INTS9: variants seen among roughly 807,000 people sequenced by gnomAD.
INTS9 encodes protein related to CPSF subunits of 74 kDa.
In INTS9, 55 loss-of-function variants were observed where a neutral mutation model predicts 79.7. That is an observed-to-expected ratio of 0.69 (90% CI 0.56 to 0.86). INTS9 has a LOEUF of 0.86. INTS9 is among the 40% of genes least tolerant of loss of function. The pLI, the probability that INTS9 is intolerant of heterozygous loss-of-function variation, is 0.00. For synonymous variants in INTS9, 319 were observed against 325.2 expected, an observed-to-expected ratio of 0.98 and a Z score of 0.20; for missense variants, 721 against 831.5, an observed-to-expected ratio of 0.87 and a Z score of 1.64.
intron 1 of INTS9, among the ~76,000 whole-genome samples, chr8:28,865,259 TA>T (rs200979621): frequency 2.1e-4 from 31 of 151,188 alleles, no homozygotes; most frequent in African/African-American, 6.1e-4. Context: ...AATTTTATTT[TA>T]AAAAAAACAC....
intron 8 of INTS9, among the ~76,000 whole-genome samples, chr8:28,800,435 G>A (rs1804456125): frequency 1.3e-5 from 2 of 152,108 alleles, no homozygotes; most frequent in Non-Finnish European, 2.9e-5. Flanking sequence ...ATTGGTAAAG[G>A]GCCAAAAAGG....
intron 8 of INTS9, among the ~76,000 whole-genome samples, chr8:28,800,997 A>C (rs1373652455): frequency 6.6e-6 from 1 of 152,178 alleles, no homozygotes; most frequent in Non-Finnish European, 1.5e-5. Context: ...ACCAACCTCC[A>C]ACTGATCCAT....
chr8:28,780,913 A>C lies in INTS9; in HGVS notation c.1180T>G (p.Phe394Val), dbSNP rs1470109807. ...SNDFRQPCVVFTGHPSLRFGD... is the reference protein window; with the variant it reads ...SNDFRQPCVVVTGHPSLRFGD... ...AAGCGGAGGGAAGGGTGCCCGGTGA[A>C]CACCACACAGGGCTGTCTAAAGTCG... Residue 394 changes from phenylalanine (F) to valine (V), a missense_variant, in exon 12 of 17, where the codon TTC becomes GTC. Transcript: ENST00000521022. The C allele has an allele frequency of 6.2e-7, 1 of 1,614,034 alleles. No individual in the cohort carries two copies.
At chr8:28,772,189 T>C (rs1802587082) in intron 14 of INTS9, among the ~76,000 whole-genome samples, 1 of 152,160 alleles carries the variant, frequency 6.6e-6, no homozygotes. Flanking sequence ...GCAATTACTG[T>C]AGCAAGTTGG....
chr8:28,769,208 T>C (rs1284068704), intron 16 of INTS9, among the ~76,000 whole-genome samples: 1 of 152,200 alleles, frequency 6.6e-6, no homozygotes, highest in Non-Finnish European at 1.5e-5. Context: ...TTACATTGGA[T>C]AGAAAGTTCA....
intron 13 of INTS9, chr8:28,776,155 T>C (rs1196526420): frequency 1.6e-5 from 7 of 437,218 alleles, no homozygotes; most frequent in Middle Eastern, 5.7e-4. Context: ...CAGCTTAATT[T>C]ATCTTTCTTA....
intron 1 of INTS9, among the ~76,000 whole-genome samples, chr8:28,876,616 T>G (rs946511911): frequency 3.9e-5 from 6 of 152,048 alleles, no homozygotes; most frequent in Admixed American, 6.6e-5. Context: ...AGACGCCTAC[T>G]ACCAAAACTC....
intron 1 of INTS9, among the ~76,000 whole-genome samples, chr8:28,873,216 A>G (rs555244960): frequency 6.6e-6 from 1 of 152,294 alleles, no homozygotes; most frequent in South Asian, 2.1e-4. Context: ...ACTGAATCTC[A>G]GCAGCCTGCC....
rs79799898 is a variant in INTS9 at position 28,781,851 on chromosome 8, G to A, written c.1099-857C>T. 5.9e-3 allele frequency among the ~76,000 whole-genome samples: 904 copies of A among 152,278 alleles called. 7 individuals carry two copies. Among genetic ancestry groups the A allele is most frequent in the African/African-American group, 0.021 (874 of 41,554 alleles). ...CTCCTCTGTGTGATGATGTAATGGT[G>A]GATCCAGGTCACTGTTCATTTGTTC... On this transcript the variant is annotated intron_variant, in intron 11 of 16. Transcript: ENST00000521022.
intron 2 of INTS9, among the ~76,000 whole-genome samples, chr8:28,856,183 T>G (rs1379334499): frequency 1.3e-5 from 2 of 152,212 alleles, no homozygotes; most frequent in African/African-American, 4.8e-5. Flanking sequence ...GAGAAGTGAC[T>G]GGATTTTAGA....
intron 6 of INTS9, among the ~76,000 whole-genome samples, chr8:28,832,894 C>T (rs1478993309): frequency 6.6e-6 from 1 of 151,900 alleles, no homozygotes; most frequent in African/African-American, 2.4e-5. Flanking sequence ...CCTTGGGAGG[C>T]AGGGGTTGCA....
chr8:28,879,704 T>G (rs1044909290), intron 1 of INTS9, among the ~76,000 whole-genome samples: 1 of 151,532 alleles, frequency 6.6e-6, no homozygotes, highest in Non-Finnish European at 1.5e-5. Context: ...AAATGGAGAG[T>G]ACCCATAGAG....
At chr8:28,816,797 A>T (rs1226350983) in intron 6 of INTS9, among the ~76,000 whole-genome samples, 1 of 150,596 alleles carries the variant, frequency 6.6e-6, no homozygotes, top group Non-Finnish European at 1.5e-5. Flanking sequence ...CTATTTCTCC[A>T]CATCCTCTCC....
At position 28,850,243 on chromosome 8, in the gene INTS9, GGACCA is replaced by G; in HGVS notation, c.163_167del (p.Trp55ProfsTer47). 1 of 1,613,556 alleles carries G rather than the reference GGACCA, an allele frequency of 6.2e-7. No homozygotes were observed. Among genetic ancestry groups the G allele is most frequent in the Non-Finnish European group, 8.5e-7 (1 of 1,179,632 alleles). On this transcript the variant is annotated frameshift_variant, in exon 3 of 17. Transcript: ENST00000521022. LOFTEE classifies it high-confidence loss of function. The stretch of plus-strand genomic sequence containing the variant: ...CCAAGAAAGCATTTCCATCCTTCAG[GGACCA>G]GCCAGGAAGATTGGACAGCCTGGGA...
chr8:28,816,482 C>T, intron 6 of INTS9, among the ~76,000 whole-genome samples: 1 of 151,250 alleles, frequency 6.6e-6, no homozygotes, highest in South Asian at 2.1e-4. Flanking sequence ...AGGACATGAA[C>T]TCATCATTTT....
At chr8:28,790,428 A>G (rs918886008) in intron 10 of INTS9, among the ~76,000 whole-genome samples, 4 of 152,230 alleles carry the variant, frequency 2.6e-5, no homozygotes, top group African/African-American at 9.6e-5. Flanking sequence ...CCCAGGCTCA[A>G]GAAATCCTCT....
intron 1 of INTS9, among the ~76,000 whole-genome samples, chr8:28,863,294 T>G (rs1237899515): frequency 6.6e-6 from 1 of 152,220 alleles, no homozygotes; most frequent in Non-Finnish European, 1.5e-5. Context: ...CCCATAGCAA[T>G]GCTTTCATGT....
intron 8 of INTS9, among the ~76,000 whole-genome samples, chr8:28,811,338 G>T (rs1457889081): frequency 6.6e-6 from 1 of 151,754 alleles, no homozygotes; most frequent in Non-Finnish European, 1.5e-5. Flanking sequence ...TGGCCAGGTT[G>T]GTCTTGAACT....
intron 8 of INTS9, among the ~76,000 whole-genome samples, chr8:28,797,246 AAG>A (rs1470758382): frequency 6.6e-6 from 1 of 152,202 alleles, no homozygotes; most frequent in Non-Finnish European, 1.5e-5. Context: ...AATAACTCTG[AAG>A]CACAGGAAAT....
Sources: allele counts gnomAD v4.1 joint callset (sites outside exome capture counted in the v4.1 genomes callset), GRCh38; gene constraint gnomAD v4.1.1; transcripts MANE v1.5; gene names NCBI Gene and HGNC (gene_info 2026-07-23, HGNC 2026-07-21).